Variants in TNS3 observed in about 807,000 individuals in gnomAD.
The protein encoded by TNS3 is tensin 3.
In TNS3, 45 loss-of-function variants were observed where a neutral mutation model predicts 140.9. The ratio of observed to expected loss-of-function variants is 0.32; its 90% CI spans 0.25 to 0.41. The LOEUF (loss-of-function observed/expected upper bound fraction) is 0.41. TNS3 is among the 10% of genes least tolerant of loss of function. The pLI, the probability that TNS3 is intolerant of heterozygous loss-of-function variation, is 1.00. For synonymous variants in TNS3, 815 were observed against 788.4 expected (o/e 1.03, Z -0.56); for missense variants, 1,716 against 1,906.7 (o/e 0.90, Z 1.86).
chr7:47,299,773 C>G (rs957705912), intron 23 of TNS3, among the ~76,000 whole-genome samples: 3 of 152,194 alleles, frequency 2.0e-5, no homozygotes, highest in East Asian at 3.9e-4. Context: ...GGCTGAGGAG[C>G]CTGGTGTGCT....
Position 47,374,516 on chromosome 7 carries a change from C to T in TNS3, c.1025-4895G>A, listed in dbSNP as rs74551834. On this transcript the variant is annotated intron_variant, in intron 16 of 30. Transcript: ENST00000311160. Reference sequence around the variant, plus strand: ...CTCATCTAAACACTTTCTGCCATTGCTATGCTTTCTAAGACTCAATGCAAA... The same window carrying T: ...CTCATCTAAACACTTTCTGCCATTGTTATGCTTTCTAAGACTCAATGCAAA... Among the ~76,000 whole-genome samples the T allele has an allele frequency of 7.7e-3, 1,173 of 152,282 alleles. 18 individuals carry two copies. Among genetic ancestry groups the T allele is most frequent in the African/African-American group, 0.027 (1,112 of 41,556 alleles).
chr7:47,456,535 C>A (rs1796253677), intron 4 of TNS3, among the ~76,000 whole-genome samples: 1 of 152,114 alleles, frequency 6.6e-6, no homozygotes, highest in South Asian at 2.1e-4. Context: ...CAACACGTGC[C>A]AGCTTTTACT....
At chr7:47,530,838 A>AAAAAAAAAAT in intron 1 of TNS3, among the ~76,000 whole-genome samples, 1 of 54,564 alleles carries the variant, frequency 1.8e-5, no homozygotes, top group African/African-American at 7.9e-5. Context: ...AAAAAAAAAA[A>AAAAAAAAAAT]ATATATATAT....
At chr7:47,556,774 C>G (rs965846131) in intron 1 of TNS3, among the ~76,000 whole-genome samples, 1 of 152,210 alleles carries the variant, frequency 6.6e-6, no homozygotes, top group South Asian at 2.1e-4. Flanking sequence ...AGACGCTGCC[C>G]GCTCTCACTG....
intron 4 of TNS3, among the ~76,000 whole-genome samples, chr7:47,450,652 G>A (rs1327554814): frequency 6.6e-6 from 1 of 152,214 alleles, no homozygotes; most frequent in East Asian, 1.9e-4. Flanking sequence ...CTGGCAGAAA[G>A]CAGGTCTCCA....
rs537406398 is a variant in TNS3 at position 47,405,815 on chromosome 7, ATTTG to A, written c.724-4905_724-4902del. On this transcript the variant is annotated intron_variant, in intron 13 of 30. Transcript: ENST00000311160. ...GTAAGAAACAACCAGCAACAGCACT[ATTTG>A]TTTGTGAAAACTTCTTGAGCAGGCA... 1.9e-3 allele frequency among the ~76,000 whole-genome samples: 284 copies of A among 152,266 alleles called. 4 individuals carry two copies. Among genetic ancestry groups the A allele is most frequent in the African/African-American group, 6.6e-3 (274 of 41,558 alleles).
chr7:47,545,800 G>T (rs961807719), intron 1 of TNS3, among the ~76,000 whole-genome samples: 1 of 152,200 alleles, frequency 6.6e-6, no homozygotes, highest in Non-Finnish European at 1.5e-5. Context: ...AAGCCCTAGG[G>T]GATCCCACCT....
At chr7:47,489,377 T>C (rs2960231) in intron 3 of TNS3, among the ~76,000 whole-genome samples, 151,774 of 152,358 alleles carry the variant, frequency 1, 75,599 homozygotes, top group East Asian at 1. Flanking sequence ...TCTCGGCTCT[T>C]CTCACCTCTA....
intron 7 of TNS3, among the ~76,000 whole-genome samples, chr7:47,436,654 T>A (rs952432875): frequency 2.0e-5 from 3 of 152,168 alleles, no homozygotes; most frequent in African/African-American, 7.2e-5. Context: ...AAGGAGTGGA[T>A]TAGTATGACC....
chr7:47,382,232 T>C (rs1791807897), intron 16 of TNS3, among the ~76,000 whole-genome samples: 2 of 152,010 alleles, frequency 1.3e-5, no homozygotes, highest in African/African-American at 2.4e-5. Context: ...TTGATTTGGG[T>C]GGGGTTGGGG....
At position 47,331,716 on chromosome 7, in the gene TNS3, T is replaced by C. The variant is rs937761757; in HGVS notation, c.2650+13039A>G. On this transcript the variant is annotated intron_variant, in intron 20 of 30. Coordinates refer to ENST00000311160, the MANE Select transcript of TNS3 (RefSeq NM_022748.12). ...TTCTCTACATGTGTGCATATATAAG[T>C]GCATGGCCTGTAAGAAGTGCTCAGA... Among the ~76,000 whole-genome samples, 116 of 152,358 alleles carry C rather than the reference T, an allele frequency of 7.6e-4. 3 individuals are homozygous for C. Among genetic ancestry groups the C allele is most frequent in the Admixed American group, 7.6e-3 (116 of 15,310 alleles).
rs114944026 is a variant in TNS3 at position 47,340,547 on chromosome 7, G to C, written c.2650+4208C>G. ...ATTTGTTCTAACAGTTTCACTTTTT[G>C]TTGTTGTTTTGTTGTTCCCTGGGAT... is the stretch of plus-strand genomic sequence containing the variant. On this transcript the variant is annotated intron_variant, in intron 20 of 30. Transcript: ENST00000311160. 9.2e-3 allele frequency among the ~76,000 whole-genome samples: 1,339 copies of C among 145,408 alleles called. 19 individuals carry two copies. The highest frequency in any genetic ancestry group is 0.032 in the African/African-American group (1,258 of 39,788).
At chr7:47,302,766 A>G (rs1003765178) in intron 22 of TNS3, among the ~76,000 whole-genome samples, 184 bp downstream of exon 22, 2 of 152,228 alleles carry the variant, frequency 1.3e-5, no homozygotes, top group African/African-American at 4.8e-5. Context: ...GAGTGAATGA[A>G]AAGCCTGAGC....
intron 16 of TNS3, among the ~76,000 whole-genome samples, chr7:47,389,089 A>AGAAGAG (rs1792317223): frequency 3.8e-5 from 3 of 78,054 alleles, no homozygotes; most frequent in African/African-American, 1.7e-4. Flanking sequence ...AAGAAGAGGA[A>AGAAGAG]GAGGAAGAGG....
chr7:47,477,635 A>T (rs1328325055), intron 4 of TNS3, among the ~76,000 whole-genome samples: 1 of 152,176 alleles, frequency 6.6e-6, no homozygotes. Flanking sequence ...AAAAACAGCT[A>T]TCAGGTGACC....
At chr7:47,505,629 C>A (rs1287590644) in intron 3 of TNS3, among the ~76,000 whole-genome samples, 1 of 152,218 alleles carries the variant, frequency 6.6e-6, no homozygotes, top group Non-Finnish European at 1.5e-5. Context: ...TCTGCTCCTG[C>A]ACGTGCTCGG....
intron 16 of TNS3, among the ~76,000 whole-genome samples, chr7:47,386,242 G>A (rs950127026): frequency 6.6e-6 from 1 of 152,184 alleles, no homozygotes; most frequent in Non-Finnish European, 1.5e-5. Flanking sequence ...CCTCCACCTA[G>A]GCCCTATCAA....
In TNS3 at chr7:47,346,263, T is replaced by G; in HGVS notation, c.2375A>C (p.Lys792Thr). Residue 792 changes from lysine to threonine, a missense_variant, in exon 18 of 31, where the codon AAA becomes ACA. Transcript: ENST00000311160. ...CACACCAGCCTTTCCCCATGCACATTTGGAGAAGGGCAGCTGCCCCCCAGC... is the reference window on the plus strand; with the variant it reads ...CACACCAGCCTTTCCCCATGCACATGTGGAGAAGGGCAGCTGCCCCCCAGC... Reference protein sequence around the residue: ...NDAGGQLPFSKCAWGKAGVDY... With the variant: ...NDAGGQLPFSTCAWGKAGVDY... 1 of 1,614,166 alleles carries G rather than the reference T, an allele frequency of 6.2e-7. No homozygotes were observed. Among genetic ancestry groups the G allele is most frequent in the Non-Finnish European group, 8.5e-7 (1 of 1,180,022 alleles).
chr7:47,524,571 G>C (rs571213868), intron 2 of TNS3, among the ~76,000 whole-genome samples: 4 of 151,826 alleles, frequency 2.6e-5, no homozygotes, highest in Non-Finnish European at 4.4e-5. Flanking sequence ...GGGAGGCCGA[G>C]GCGGGTGGAT....
Sources: gnomAD v4.1 joint callset for allele counts (sites outside exome capture counted in the v4.1 genomes callset) on GRCh38, gnomAD v4.1.1 for gene constraint, MANE v1.5 for transcripts, NCBI Gene and HGNC (gene_info 2026-07-23, HGNC 2026-07-21) for gene names.